Variants in NRDC observed in about 807,000 individuals in gnomAD.
NRDC encodes nardilysin convertase.
NRDC carries 54 observed loss-of-function variants against 147.1 expected under a neutral mutation model. That is an observed-to-expected ratio of 0.37 (90% CI 0.29 to 0.46). NRDC has a LOEUF of 0.46. NRDC is among the 20% of genes least tolerant of loss of function. The pLI is 1.00. For synonymous variants in NRDC, 440 were observed against 482.1 expected (o/e 0.91, Z 1.14); for missense variants, 1,082 against 1,370.6 (o/e 0.79, Z 3.33).
At chr1:51,877,186 CA>C (rs1213284495) in intron 1 of NRDC, among the ~76,000 whole-genome samples, 42 of 139,418 alleles carry the variant, frequency 3.0e-4, no homozygotes, top group Non-Finnish European at 3.0e-4. Context: ...GACTCCGTTT[CA>C]AAAAAAAAAA....
At chr1:51,798,518 A>G in intron 21 of NRDC, 107 bp from the exon 22 acceptor site, 1 of 939,050 alleles carries the variant, frequency 1.1e-6, no homozygotes, top group Non-Finnish European at 1.6e-6. Flanking sequence ...GTTTCTAAAG[A>G]GAGACCATTT....
chr1:51,795,034 G>A (rs536484905), intron 22 of NRDC, 180 bp from the exon 23 acceptor site: 3 of 1,471,466 alleles, frequency 2.0e-6, no homozygotes, highest in African/African-American at 1.4e-5. Context: ...GATTGTGTTT[G>A]TGGAACACTA....
At chr1:51,810,730 T>A (rs2149200389) in intron 15 of NRDC, among the ~76,000 whole-genome samples, 1 of 152,346 alleles carries the variant, frequency 6.6e-6, no homozygotes, top group South Asian at 2.1e-4. Context: ...AGGAAGTATT[T>A]AACATACATT....
chr1:51,814,079 C>CTTCAAAAA lies in NRDC; in HGVS notation c.1622_1629dup (p.Glu544PhefsTer59). The CTTCAAAAA allele has an allele frequency of 6.3e-7, 1 of 1,598,278 alleles. No individual in the cohort carries two copies. The highest frequency in any genetic ancestry group is 8.6e-7 in the Non-Finnish European group (1 of 1,166,242). On this transcript the variant is annotated frameshift_variant, in exon 14 of 31. Coordinates refer to ENST00000352171, the MANE Select transcript of NRDC (RefSeq NM_001101662.2). LOFTEE classifies it high-confidence loss of function. ...TCATTATCCTCAATTTTCCGAATCTCTTCAAAAATTCTGTGAAGGAGAAAA... is the reference window on the plus strand; with the variant it reads ...TCATTATCCTCAATTTTCCGAATCTCTTCAAAAATTCAAAAATTCTGTGAAGGAGAAAA...
chr1:51,818,181 A>G, intron 9 of NRDC, 46 bp from the exon 10 acceptor site: 1 of 1,294,638 alleles, frequency 7.7e-7, no homozygotes, highest in East Asian at 2.4e-5. Context: ...GTGTTTCTCT[A>G]TGACTTTTAC....
chr1:51,851,191 T>C (rs571129648), intron 1 of NRDC, among the ~76,000 whole-genome samples: 4 of 152,098 alleles, frequency 2.6e-5, no homozygotes, highest in South Asian at 4.2e-4. Context: ...TTTTGGTAAG[T>C]GGGGGGTTGA....
At chr1:51,850,185 ATAAT>A (rs1199288544) in intron 1 of NRDC, among the ~76,000 whole-genome samples, 1 of 151,324 alleles carries the variant, frequency 6.6e-6, no homozygotes, top group African/African-American at 2.4e-5. Context: ...TCAAAAAAAA[ATAAT>A]AATAAATAAA....
Position 51,823,206 on chromosome 1 carries a change from T to C in NRDC, c.1159+458A>G, listed in dbSNP as rs76090656. Among the ~76,000 whole-genome samples the C allele has an allele frequency of 7.3e-3, 1,109 of 152,330 alleles. 13 individuals are homozygous for C. The highest frequency in any genetic ancestry group is 0.026 in the African/African-American group (1,063 of 41,574). ...ATTCATCAGTATTTTATATTTAAGA[T>C]AATTCTTAAATTGTCACCATGTCAA... On this transcript the variant is annotated intron_variant, in intron 7 of 30. Coordinates refer to ENST00000352171, the MANE Select transcript of NRDC (RefSeq NM_001101662.2).
At chr1:51,808,420 T>A (rs965576063) in intron 17 of NRDC, among the ~76,000 whole-genome samples, 3 of 152,242 alleles carry the variant, frequency 2.0e-5, no homozygotes, top group African/African-American at 7.2e-5. Flanking sequence ...TTCTTTCACT[T>A]AGCATGATGT....
chr1:51,794,768 A>G, intron 23 of NRDC, 55 bp downstream of exon 23: 4 of 1,605,584 alleles, frequency 2.5e-6, no homozygotes, highest in East Asian at 2.2e-5. Flanking sequence ...TTGTGGCTCC[A>G]TGCCCTCTCG....
chr1:51,805,527 T>C lies in NRDC; in HGVS notation c.2145A>G (p.Ile715Met). The C allele has an allele frequency of 6.3e-7, 1 of 1,587,238 alleles. No homozygotes were observed. ...TTGCTTACTTTGCTGCAGATTTCTG[T>C]ATCAACGGTGAAATTAGATGGAAAC... ...YIRFHLISPL[I>M]QKSAANVVLF... The change falls in exon 19 of 31, where the codon ATA becomes ATG. Residue 715 changes from isoleucine to methionine, a missense_variant. Transcript: ENST00000352171.
At chr1:51,792,278 T>A in intron 25 of NRDC, 99 bp downstream of exon 25, 2 of 1,383,338 alleles carry the variant, frequency 1.4e-6, no homozygotes, top group Non-Finnish European at 2.1e-6. Context: ...AAATCACAGA[T>A]CTCTGACTAC....
At position 51,790,557 on chromosome 1, in the gene NRDC, G is replaced by C; in HGVS notation, c.3144C>G (p.Tyr1048Ter). The change falls in exon 29 of 31, where the codon TAC becomes TAG. Residue 1048 changes from tyrosine to a stop codon, truncating the protein, a stop_gained. Transcript: ENST00000352171. LOFTEE classifies it high-confidence loss of function. ...CCTCGTGGGCAAGGCGGTCAAAGAG[G>C]TACTGCTGTGTAACCACTTCATTCC... ...RNWNEVVTQQYLFDRLAHEIE... is the reference protein window; with the variant it reads ...RNWNEVVTQQ The C allele has an allele frequency of 6.2e-7, 1 of 1,613,308 alleles. No individual in the cohort carries two copies.
intron 8 of NRDC, 58 bp downstream of exon 8, chr1:51,821,440 C>T (rs1404903776): frequency 1.7e-6 from 2 of 1,205,588 alleles, no homozygotes; most frequent in Non-Finnish European, 2.4e-6. Flanking sequence ...GGGACTCATA[C>T]AAGATAATGG....
chr1:51,845,880 C>A (rs1681537015), intron 1 of NRDC, among the ~76,000 whole-genome samples: 1 of 151,864 alleles, frequency 6.6e-6, no homozygotes, highest in African/African-American at 2.4e-5. Flanking sequence ...AATGTTAACG[C>A]CTGGAGGGGA....
intron 1 of NRDC, among the ~76,000 whole-genome samples, chr1:51,876,961 G>A (rs982128635): frequency 2.6e-5 from 4 of 151,814 alleles, no homozygotes; most frequent in Admixed American, 2.6e-4. Flanking sequence ...AGAAGAGGCG[G>A]GCGGATCACA....
At chr1:51,839,966 T>G (rs1290994443) in intron 2 of NRDC, 2 of 297,020 alleles carry the variant, frequency 6.7e-6, no homozygotes, top group Non-Finnish European at 1.2e-5. Flanking sequence ...CTCTGAGTGT[T>G]GATTACCTCT....
intron 1 of NRDC, among the ~76,000 whole-genome samples, chr1:51,869,906 T>C (rs1683002428): frequency 6.6e-6 from 1 of 152,192 alleles, no homozygotes; most frequent in African/African-American, 2.4e-5. Flanking sequence ...CTGGCCAAAA[T>C]ACACTTAAAA....
intron 22 of NRDC, chr1:51,797,820 G>C (rs1679001940): frequency 1.3e-5 from 2 of 155,036 alleles, no homozygotes; most frequent in African/African-American, 4.8e-5. Context: ...GCCCAGGCTG[G>C]AATACTGTGG....
Sources: allele counts gnomAD v4.1 joint callset (sites outside exome capture counted in the v4.1 genomes callset), GRCh38; gene constraint gnomAD v4.1.1; transcripts MANE v1.5; gene names NCBI Gene and HGNC (gene_info 2026-07-23, HGNC 2026-07-21).